The following LCMT1 variants were observed in gnomAD, a reference collection of about 807,000 sequenced individuals.
The protein encoded by LCMT1 is [Phosphatase 2A protein]-leucine-carboxy methyltransferase 1.
A neutral mutation model predicts 47.7 loss-of-function variants in LCMT1; 32 were observed. The ratio of observed to expected loss-of-function variants is 0.67; its 90% CI spans 0.51 to 0.90. The LOEUF (loss-of-function observed/expected upper bound fraction) is 0.90, where lower values mean the gene tolerates loss of function less well. Among genes scored for constraint, LCMT1 ranks in the 40% least tolerant of loss-of-function variants. LCMT1 has a pLI of 0.00. For missense variants in LCMT1, 375 were observed against 415.2 expected (o/e 0.90, Z 0.84); for synonymous variants, 152 against 149.7 (o/e 1.02, Z -0.11).
intron 6 of LCMT1, among the ~76,000 whole-genome samples, chr16:25,163,714 C>T (rs1961502321): frequency 6.6e-6 from 1 of 152,162 alleles, no homozygotes; most frequent in African/African-American, 2.4e-5. Context: ...TGATAGGCCA[C>T]TTGAATCTGG....
At chr16:25,135,592 C>T (rs1316218065) in intron 3 of LCMT1, among the ~76,000 whole-genome samples, 4 of 152,078 alleles carry the variant, frequency 2.6e-5, no homozygotes, top group Non-Finnish European at 5.9e-5. Flanking sequence ...AAAAGTGTAG[C>T]GAAAACATTG....
At chr16:25,160,639 G>A (rs571566391) in intron 5 of LCMT1, 111 of 446,464 alleles carry the variant, frequency 2.5e-4, no homozygotes, top group African/African-American at 2.2e-3. Context: ...ATGCCTAGAT[G>A]GGGAAAACTT....
chr16:25,165,841 C>T (rs528335230), intron 7 of LCMT1, among the ~76,000 whole-genome samples: 12 of 152,066 alleles, frequency 7.9e-5, no homozygotes, highest in Admixed American at 7.9e-4. Context: ...GTTTCTTCAT[C>T]TGAAAATAAT....
At chr16:25,161,582 C>T (rs568064416) in intron 6 of LCMT1, among the ~76,000 whole-genome samples, 12 of 152,094 alleles carry the variant, frequency 7.9e-5, no homozygotes, top group Middle Eastern at 3.4e-3. Context: ...CTCAAACTCC[C>T]GACCTCAGGT....
intron 5 of LCMT1, among the ~76,000 whole-genome samples, chr16:25,154,762 T>C (rs1961200994): frequency 6.6e-6 from 1 of 152,132 alleles, no homozygotes; most frequent in African/African-American, 2.4e-5. Context: ...TGCGGGATTA[T>C]AGGTGTGAGC....
chr16:25,126,682 C>T (rs1960202165), intron 1 of LCMT1, among the ~76,000 whole-genome samples: 1 of 152,210 alleles, frequency 6.6e-6, no homozygotes, highest in South Asian at 2.1e-4. Flanking sequence ...GAGGATAGAA[C>T]CTGCTCTTTA....
chr16:25,149,212 A>G (rs983048388), intron 4 of LCMT1, among the ~76,000 whole-genome samples: 8 of 152,224 alleles, frequency 5.3e-5, no homozygotes, highest in Non-Finnish European at 7.3e-5. Flanking sequence ...CAAATTCGTA[A>G]CATTTCTTAA....
chr16:25,115,802 C>T (rs1340432422), intron 1 of LCMT1, among the ~76,000 whole-genome samples: 2 of 152,114 alleles, frequency 1.3e-5, no homozygotes, highest in Admixed American at 1.3e-4. Flanking sequence ...TTCAGCCTCC[C>T]GAGTAGCTGG....
At chr16:25,137,937 A>G (rs1355580688) in intron 3 of LCMT1, among the ~76,000 whole-genome samples, 1 of 148,562 alleles carries the variant, frequency 6.7e-6, no homozygotes, top group East Asian at 1.9e-4. Context: ...GCTATGCCGC[A>G]CTCACCCCCC....
chr16:25,172,296 G>A (rs1464681622), intron 9 of LCMT1, among the ~76,000 whole-genome samples: 5 of 142,814 alleles, frequency 3.5e-5, no homozygotes, highest in East Asian at 2.1e-4. Flanking sequence ...CAACAAGAGC[G>A]AAACTCTGTC....
chr16:25,123,455 C>T (rs1960060170), intron 1 of LCMT1, among the ~76,000 whole-genome samples: 1 of 151,800 alleles, frequency 6.6e-6, no homozygotes, highest in Admixed American at 6.6e-5. Flanking sequence ...AAAATCCTGA[C>T]CTCGGGTGAT....
chr16:25,152,573 T>C (rs1271073190), intron 5 of LCMT1, among the ~76,000 whole-genome samples: 1 of 152,188 alleles, frequency 6.6e-6, no homozygotes, highest in South Asian at 2.1e-4. Context: ...GTTGCCAACA[T>C]TTCAAAAATA....
At position 25,178,169 on chromosome 16, in the gene LCMT1, A is replaced by G. The variant is rs1397884241; in HGVS notation, c.*146A>G. On this transcript the variant is annotated 3_prime_UTR_variant, in exon 11 of 11. Coordinates refer to ENST00000399069, the MANE Select transcript of LCMT1 (RefSeq NM_016309.3). The stretch of plus-strand genomic sequence containing the variant: ...GCCTTGGTCACTACAGTGGTCGCAC[A>G]TGTTCCTCTTCCTGTTCCTGTTGAC... 1 of 676,734 alleles carries G rather than the reference A, an allele frequency of 1.5e-6. No homozygotes were observed. Among genetic ancestry groups the G allele is most frequent in the Non-Finnish European group, 2.6e-6 (1 of 389,962 alleles). The allele number at this position is 676,734 out of a possible 1,614,324, so 41.9% of individuals were successfully genotyped here.
chr16:25,117,393 A>G (rs1030912062), intron 1 of LCMT1, among the ~76,000 whole-genome samples: 5 of 152,278 alleles, frequency 3.3e-5, no homozygotes, highest in Admixed American at 2.6e-4. Context: ...GTACCTTTTC[A>G]TGATCTGCTC....
chr16:25,124,100 C>G (rs1161319600), intron 1 of LCMT1, among the ~76,000 whole-genome samples: 1 of 152,152 alleles, frequency 6.6e-6, no homozygotes, highest in Non-Finnish European at 1.5e-5. Context: ...AAGAAAGAAT[C>G]CTAGGAAAGG....
At chr16:25,145,665 T>C (rs1304604003) in intron 4 of LCMT1, 1 of 152,280 alleles carries the variant, frequency 6.6e-6, no homozygotes, top group Non-Finnish European at 1.5e-5. Flanking sequence ...TTAGGCTTTT[T>C]AACAGGGAGG....
intron 8 of LCMT1, among the ~76,000 whole-genome samples, chr16:25,170,304 CAT>C (rs1296056450): frequency 1.3e-5 from 2 of 152,122 alleles, no homozygotes; most frequent in African/African-American, 4.8e-5. Context: ...AACTGTCACT[CAT>C]AGAAAAGTTC....
At chr16:25,164,515 A>G (rs1961527913) in intron 6 of LCMT1, 83 bp from the exon 7 acceptor site, 3 of 1,577,088 alleles carry the variant, frequency 1.9e-6, no homozygotes, top group East Asian at 2.3e-5. Flanking sequence ...GGACCGCCCC[A>G]CCAATACTGC....
intron 2 of LCMT1, 29 bp from the exon 3 acceptor site, chr16:25,132,373 C>G: frequency 6.2e-7 from 1 of 1,611,922 alleles, no homozygotes; most frequent in Non-Finnish European, 8.5e-7. Flanking sequence ...TGGGTGATAG[C>G]TTGTTTCTGT....
Sources: gnomAD v4.1 joint callset for allele counts (sites outside exome capture counted in the v4.1 genomes callset) on GRCh38, gnomAD v4.1.1 for gene constraint, MANE v1.5 for transcripts, NCBI Gene and HGNC (gene_info 2026-07-23, HGNC 2026-07-21) for gene names.